ANAPC5: variants seen among roughly 807,000 people sequenced by gnomAD.
The protein encoded by ANAPC5 is anaphase promoting complex subunit 5, also known as anaphase-promoting complex subunit 5.
Under a neutral mutation model 91.3 loss-of-function variants are expected in ANAPC5, and 60 were observed. That is an observed-to-expected ratio of 0.66 (90% CI 0.53 to 0.81). The LOEUF is 0.81. Among genes scored for constraint, ANAPC5 ranks in the 40% least tolerant of loss-of-function variants. The pLI is 0.00. For synonymous variants in ANAPC5, 340 were observed against 364.1 expected, an observed-to-expected ratio of 0.93 and a Z score of 0.75; for missense variants, 690 against 931.5, an observed-to-expected ratio of 0.74 and a Z score of 3.37.
intron 5 of ANAPC5, among the ~76,000 whole-genome samples, chr12:121,341,352 C>G (rs1216507242): frequency 1.3e-5 from 2 of 151,894 alleles, no homozygotes; most frequent in African/African-American, 2.4e-5. Flanking sequence ...CGCCTGTAAT[C>G]CCAGCTATTT....
chr12:121,346,112 C>T (rs1345936050), intron 3 of ANAPC5, 81 bp from the exon 4 acceptor site: 4 of 1,131,510 alleles, frequency 3.5e-6, no homozygotes, highest in Non-Finnish European at 3.8e-6. Flanking sequence ...ATGGCAATGA[C>T]TGTCTGCTGG....
intron 5 of ANAPC5, among the ~76,000 whole-genome samples, chr12:121,339,868 GTTTT>G (rs71079054): frequency 4.8e-5 from 5 of 104,556 alleles, no homozygotes; most frequent in Non-Finnish European, 7.8e-5. Flanking sequence ...TTTTCTTCCA[GTTTT>G]TTTTTTTTTT....
chr12:121,337,906 C>A (rs78982107), intron 5 of ANAPC5, among the ~76,000 whole-genome samples: 16 of 152,106 alleles, frequency 1.1e-4, no homozygotes, highest in African/African-American at 3.9e-4. Context: ...CTGTATGGGG[C>A]CTTATGGGAG....
At chr12:121,316,528 T>C (rs907441681) in intron 15 of ANAPC5, among the ~76,000 whole-genome samples, 10 of 151,722 alleles carry the variant, frequency 6.6e-5, no homozygotes, top group Admixed American at 5.9e-4. Flanking sequence ...GGTCAGGAGA[T>C]CGAGACCACC....
rs782125510 is a variant in ANAPC5, at chr12:121,331,375, T to C, written c.1004A>G (p.Asn335Ser). The change falls in exon 8 of 17, where the codon AAC becomes AGC. Residue 335 changes from asparagine to serine, a missense_variant. Transcript: ENST00000261819. ...QEAIRIAQES[N>S]DHVCLQHCLS... Reference sequence around the variant, plus strand: ...ACAGTGCTGGAGACACACGTGATCGTTGGACTCCTGGGCAATCCTAATTGC... The same window carrying C: ...ACAGTGCTGGAGACACACGTGATCGCTGGACTCCTGGGCAATCCTAATTGC... 1.4e-5 allele frequency: 23 copies of C among 1,609,024 alleles called. No individual in the cohort carries two copies. Among genetic ancestry groups the C allele is most frequent in the Admixed American group, 5.0e-5 (3 of 59,920 alleles).
chr12:121,337,401 T>G lies in ANAPC5; in HGVS notation c.658-9A>C, dbSNP rs782110095. ...TTCTTTAGCAAAGAAGCCTGAAATT[T>G]AAAAATGGTAACTCAGTAGAAAGAA... On this transcript the variant is annotated splice_polypyrimidine_tract_variant and intron_variant, in intron 5 of 16. Transcript: ENST00000261819. 1.3e-6 allele frequency: 2 copies of G among 1,584,094 alleles called. No homozygotes were observed. Among genetic ancestry groups the G allele is most frequent in the East Asian group, 4.5e-5 (2 of 44,656 alleles).
At chr12:121,331,312 T>C in intron 8 of ANAPC5, 35 bp downstream of exon 8, 1 of 1,556,720 alleles carries the variant, frequency 6.4e-7, no homozygotes, top group Non-Finnish European at 8.8e-7. Context: ...ATTCAACCCG[T>C]GAACAAAACT....
Position 121,352,190 on chromosome 12 carries a change from C to A in ANAPC5, c.151G>T (p.Ala51Ser). The A allele has an allele frequency of 3.7e-6, 6 of 1,613,422 alleles. No individual in the cohort carries two copies. Among genetic ancestry groups the A allele is most frequent in the Non-Finnish European group, 4.2e-6 (5 of 1,179,474 alleles). Residue 51 changes from alanine (A) to serine (S), a missense_variant, in exon 1 of 17, where the codon GCC becomes TCC. By Grantham distance (99) the Ala-to-Ser change is moderately conservative. Transcript: ENST00000261819. Reference sequence around the variant, plus strand: ...CTCCGCCGCTCCATGAGGCTGACGGCGCCCTCGCCTGTGCGGCTCATCTCG... The same window carrying A: ...CTCCGCCGCTCCATGAGGCTGACGGAGCCCTCGCCTGTGCGGCTCATCTCG... ...LNEMSRTGEG[A>S]VSLMERRRLN...
intron 4 of ANAPC5, among the ~76,000 whole-genome samples, chr12:121,345,531 G>A (rs1217108823): frequency 6.6e-6 from 1 of 152,094 alleles, no homozygotes; most frequent in Non-Finnish European, 1.5e-5. Flanking sequence ...AGTGCAGAAA[G>A]AGCGACCTGA....
rs531541530 is a variant in ANAPC5 at position 121,333,896 on chromosome 12, A to T, written c.950+1637T>A. The T allele has an allele frequency of 3.3e-5, 5 of 152,150 alleles. No individual in the cohort carries two copies. The East Asian group carries it at 9.7e-4, about 29-fold the overall frequency. The allele number at this position is 152,150 out of a possible 1,614,324, so 9.4% of individuals were successfully genotyped here. A position where few individuals can be genotyped will look rare whatever the true frequency, so the allele number is the denominator to read the frequency against. ...ACATGTCTCACATCCCTCCCACATT[A>T]CTTATATGATATGGCTTTGAATGTC... On this transcript the variant is annotated intron_variant, in intron 7 of 16. Transcript: ENST00000261819.
At chr12:121,329,646 A>G (rs1555272664) in intron 9 of ANAPC5, among the ~76,000 whole-genome samples, 1 of 140,186 alleles carries the variant, frequency 7.1e-6, no homozygotes, top group Non-Finnish European at 1.5e-5. Context: ...ATGGAATTTC[A>G]TTCTTGTTGC....
At chr12:121,308,939 A>G (rs915574605) in intron 16 of ANAPC5, among the ~76,000 whole-genome samples, 83 of 151,704 alleles carry the variant, frequency 5.5e-4, no homozygotes, top group Middle Eastern at 3.4e-3. Context: ...ACCTGAGGTC[A>G]GGAGTTCGAC....
At chr12:121,320,849 C>T (rs561493653) in intron 11 of ANAPC5, 26 of 155,094 alleles carry the variant, frequency 1.7e-4, no homozygotes, top group Non-Finnish European at 3.3e-4. Flanking sequence ...GTGATCTGCC[C>T]GCCTCAGCCT....
At chr12:121,315,284 A>C (rs1373795438) in intron 15 of ANAPC5, among the ~76,000 whole-genome samples, 5 of 152,240 alleles carry the variant, frequency 3.3e-5, no homozygotes, top group Non-Finnish European at 2.9e-5. Flanking sequence ...TGTTGAAGTA[A>C]GTTAAAGATC....
intron 15 of ANAPC5, among the ~76,000 whole-genome samples, chr12:121,317,671 C>G (rs192342706): frequency 1.3e-5 from 2 of 152,164 alleles, no homozygotes; most frequent in African/African-American, 4.8e-5. Flanking sequence ...GCCTCAGGTA[C>G]GAAGATATTT....
At chr12:121,350,588 G>A (rs1225193362) in intron 1 of ANAPC5, among the ~76,000 whole-genome samples, 1 of 152,128 alleles carries the variant, frequency 6.6e-6, no homozygotes, top group Non-Finnish European at 1.5e-5. Flanking sequence ...GGCTGAGGCA[G>A]GAGAATGGCG....
intron 15 of ANAPC5, among the ~76,000 whole-genome samples, chr12:121,316,884 T>C (rs1349805880): frequency 6.6e-6 from 1 of 151,878 alleles, no homozygotes; most frequent in Non-Finnish European, 1.5e-5. Context: ...GATCTAACCA[T>C]ACAGTGAAAT....
chr12:121,336,548 G>A (rs989332853), intron 6 of ANAPC5, among the ~76,000 whole-genome samples: 8 of 152,000 alleles, frequency 5.3e-5, no homozygotes, highest in East Asian at 1.9e-4. Context: ...GCATTGTGGC[G>A]TGTGCCTGTA....
At chr12:121,315,874 A>C (rs1008644017) in intron 15 of ANAPC5, among the ~76,000 whole-genome samples, 31 of 152,318 alleles carry the variant, frequency 2.0e-4, no homozygotes, top group African/African-American at 6.3e-4. Flanking sequence ...GAAAATCTTC[A>C]TGACATTAGA....
Sources: gnomAD v4.1 joint callset for allele counts (sites outside exome capture counted in the v4.1 genomes callset) on GRCh38, gnomAD v4.1.1 for gene constraint, MANE v1.5 for transcripts, NCBI Gene and HGNC (gene_info 2026-07-23, HGNC 2026-07-21) for gene names.